SORBS2: variants seen among roughly 807,000 people sequenced by gnomAD.
The protein encoded by SORBS2 is sorbin and SH3 domain-containing protein 2.
Under a neutral mutation model 97.7 loss-of-function variants are expected in SORBS2, and 46 were observed. The observed-to-expected ratio is 0.47, with a 90% CI of 0.37 to 0.60. SORBS2 has a LOEUF of 0.60. Among genes scored for constraint, SORBS2 ranks in the 20% least tolerant of loss-of-function variants. The pLI is 0.00. For synonymous variants in SORBS2, 476 were observed against 473.4 expected (o/e 1.01, Z -0.07); for missense variants, 1,316 against 1,282.3 (o/e 1.03, Z -0.40).
intron 1 of SORBS2, among the ~76,000 whole-genome samples, chr4:185,794,641 CT>C (rs1255203254): frequency 6.6e-6 from 1 of 151,944 alleles, no homozygotes; most frequent in East Asian, 1.9e-4. Context: ...ATGTTGGATG[CT>C]TTTACCATGA....
chr4:185,726,818 A>G (rs1245781368), intron 2 of SORBS2, among the ~76,000 whole-genome samples: 1 of 152,178 alleles, frequency 6.6e-6, no homozygotes, highest in African/African-American at 2.4e-5. Context: ...GCCTGGACAT[A>G]AACCAGGGAT....
At chr4:185,928,671 G>A (rs949366095) in intron 1 of SORBS2, among the ~76,000 whole-genome samples, 9 of 151,928 alleles carry the variant, frequency 5.9e-5, no homozygotes, top group South Asian at 2.1e-4. Flanking sequence ...TCATCCTCCC[G>A]AGTAGCTGGG....
At chr4:185,730,899 C>T (rs548824075) in intron 2 of SORBS2, among the ~76,000 whole-genome samples, 124 of 152,314 alleles carry the variant, frequency 8.1e-4, no homozygotes, top group Non-Finnish European at 1.5e-3. Context: ...GCAGATCAGG[C>T]TGTACCCAAA....
intron 2 of SORBS2, among the ~76,000 whole-genome samples, chr4:185,693,763 T>C (rs1027455662): frequency 1.4e-4 from 21 of 152,216 alleles, no homozygotes; most frequent in African/African-American, 4.8e-4. Flanking sequence ...ACAATAATAA[T>C]GTTTTTGTAC....
chr4:185,767,499 CAAAAAA>C (rs70962594), intron 2 of SORBS2, among the ~76,000 whole-genome samples: 1 of 60,702 alleles, frequency 1.6e-5, no homozygotes, highest in Non-Finnish European at 3.0e-5. Flanking sequence ...GACTCTGTCT[CAAAAAA>C]AAAAAAAAAA....
chr4:185,881,785 C>T (rs1382490284), intron 1 of SORBS2, among the ~76,000 whole-genome samples: 1 of 151,794 alleles, frequency 6.6e-6, no homozygotes, highest in Non-Finnish European at 1.5e-5. Context: ...ATAATCCTGG[C>T]AAAATAAACA....
At chr4:185,668,233 G>T (rs1297364767) in intron 4 of SORBS2, among the ~76,000 whole-genome samples, 2 of 152,160 alleles carry the variant, frequency 1.3e-5, no homozygotes, top group East Asian at 3.8e-4. Context: ...ATTGTCACGG[G>T]TAATATGATC....
chr4:185,804,166 A>G lies in SORBS2; in HGVS notation c.-337-28800T>C, dbSNP rs182779061. ...AAACAAACAAAAAACCCATAACAAA[A>G]CAAACATTTAAAGATATGTAGACCA... On this transcript the variant is annotated intron_variant, in intron 1 of 20. Coordinates refer to the SORBS2 transcript ENST00000284776. Among the ~76,000 whole-genome samples, 328 of 152,362 alleles carry G rather than the reference A, an allele frequency of 2.2e-3. 1 individual carries two copies. The highest frequency in any genetic ancestry group is 5.6e-3 in the African/African-American group (232 of 41,586).
chr4:185,599,538 A>G (rs1196684863), intron 12 of SORBS2, among the ~76,000 whole-genome samples: 1 of 152,238 alleles, frequency 6.6e-6, no homozygotes, highest in Non-Finnish European at 1.5e-5. Flanking sequence ...AAGATGTTAG[A>G]CAAGAATCAT....
intron 1 of SORBS2, among the ~76,000 whole-genome samples, chr4:185,916,931 G>A (rs1176417995): frequency 2.0e-5 from 3 of 152,204 alleles, no homozygotes; most frequent in Non-Finnish European, 4.4e-5. Flanking sequence ...TACAGGATGG[G>A]GCTGGGTACC....
At chr4:185,781,654 G>GCCTCCGGCCCCTCCAGCC (rs2099031143) in intron 1 of SORBS2, among the ~76,000 whole-genome samples, 2 of 41,404 alleles carry the variant, frequency 4.8e-5, no homozygotes, top group Non-Finnish European at 1.2e-4. Flanking sequence ...CCTCTCCAGC[G>GCCTCCGGCCCCTCCAGCC]TCCCTTCCAT....
At chr4:185,680,632 G>C (rs1223091328) in intron 2 of SORBS2, among the ~76,000 whole-genome samples, 1 of 152,140 alleles carries the variant, frequency 6.6e-6, no homozygotes, top group Non-Finnish European at 1.5e-5. Context: ...AGGATAGGGA[G>C]TTTCTTTTAT....
At chr4:185,878,900 C>T (rs1399692950) in intron 1 of SORBS2, among the ~76,000 whole-genome samples, 1 of 152,194 alleles carries the variant, frequency 6.6e-6, no homozygotes, top group Non-Finnish European at 1.5e-5. Context: ...ATCTTCCTGT[C>T]CCTTGGTTAG....
intron 5 of SORBS2, among the ~76,000 whole-genome samples, chr4:185,628,887 A>G (rs981805962): frequency 1.3e-5 from 2 of 152,240 alleles, no homozygotes; most frequent in African/African-American, 4.8e-5. Context: ...GTTTGAGTAC[A>G]GTATCATTTA....
At chr4:185,901,888 C>T (rs990865278) in intron 1 of SORBS2, among the ~76,000 whole-genome samples, 2 of 152,140 alleles carry the variant, frequency 1.3e-5, no homozygotes, top group Non-Finnish European at 1.5e-5. Flanking sequence ...TCATTTGAAA[C>T]CTGAGTTTTG....
intron 2 of SORBS2, among the ~76,000 whole-genome samples, chr4:185,754,215 C>T (rs938501639): frequency 2.0e-5 from 3 of 152,154 alleles, no homozygotes; most frequent in Non-Finnish European, 2.9e-5. Flanking sequence ...CCAAATTCTA[C>T]ATGTTCTCAA....
chr4:185,697,008 T>G (rs75709111), intron 2 of SORBS2, among the ~76,000 whole-genome samples: 18 of 152,154 alleles, frequency 1.2e-4, no homozygotes. Context: ...AATTAGAATA[T>G]CCCTATAACA....
chr4:185,913,608 A>C (rs929163703), intron 1 of SORBS2, among the ~76,000 whole-genome samples: 23 of 152,156 alleles, frequency 1.5e-4, no homozygotes, highest in African/African-American at 5.3e-4. Context: ...TTGGGGATTT[A>C]ATTAAACCAG....
chr4:185,900,068 G>C (rs1205602942), intron 1 of SORBS2, among the ~76,000 whole-genome samples: 1 of 152,160 alleles, frequency 6.6e-6, no homozygotes, highest in Admixed American at 6.5e-5. Flanking sequence ...CGTGTGCTAT[G>C]ATCACACCTG....
Sources: allele counts gnomAD v4.1 joint callset (sites outside exome capture counted in the v4.1 genomes callset), GRCh38; gene constraint gnomAD v4.1.1; transcripts MANE v1.5; gene names NCBI Gene and HGNC (gene_info 2026-07-23, HGNC 2026-07-21).